Variants in GPR139 observed in about 807,000 individuals in gnomAD.
GPR139 encodes G protein-coupled receptor 139.
A neutral mutation model predicts 25.8 loss-of-function variants in GPR139; 12 were observed. That is an observed-to-expected ratio of 0.47 (90% CI 0.30 to 0.75). The LOEUF is 0.75. Among genes scored for constraint, GPR139 ranks in the 30% least tolerant of loss-of-function variants. The probability of loss-of-function intolerance (pLI) is 0.07; values close to 1 mark genes in which losing one functional copy is unlikely to be tolerated. For synonymous variants in GPR139, 184 were observed against 179.9 expected (o/e 1.02, Z -0.18); for missense variants, 380 against 450.2 (o/e 0.84, Z 1.41).
At chr16:20,040,514 T>G (rs1049954927) in intron 1 of GPR139, among the ~76,000 whole-genome samples, 12 of 152,348 alleles carry the variant, frequency 7.9e-5, no homozygotes, top group African/African-American at 2.9e-4. Flanking sequence ...TCATGAAATA[T>G]TCACCTATTG....
At chr16:20,066,088 C>G (rs192670445) in intron 1 of GPR139, among the ~76,000 whole-genome samples, 27 of 152,124 alleles carry the variant, frequency 1.8e-4, no homozygotes, top group Admixed American at 1.7e-3. Flanking sequence ...AAGCATGATT[C>G]TTTGGGTAAG....
intron 1 of GPR139, among the ~76,000 whole-genome samples, chr16:20,071,937 T>C (rs994184088): frequency 6.6e-6 from 1 of 152,156 alleles, no homozygotes; most frequent in Non-Finnish European, 1.5e-5. Flanking sequence ...GGGGACATTC[T>C]GATGGGAATG....
At chr16:20,044,159 A>C (rs2057346191) in intron 1 of GPR139, among the ~76,000 whole-genome samples, 1 of 152,218 alleles carries the variant, frequency 6.6e-6, no homozygotes, top group Non-Finnish European at 1.5e-5. Flanking sequence ...CATAACAATC[A>C]GTCCTGCTAA....
At chr16:20,071,271 G>A (rs1282302659) in intron 1 of GPR139, among the ~76,000 whole-genome samples, 1 of 152,182 alleles carries the variant, frequency 6.6e-6, no homozygotes, top group Non-Finnish European at 1.5e-5. Context: ...CTCCCCTTAT[G>A]GTTTTAAGAG....
intron 1 of GPR139, among the ~76,000 whole-genome samples, chr16:20,059,704 AG>A (rs2141212286): frequency 6.6e-6 from 1 of 152,324 alleles, no homozygotes; most frequent in South Asian, 2.1e-4. Context: ...TGCCTAGAAG[AG>A]TGCTTGGCAC....
chr16:20,050,483 C>G lies in GPR139; in HGVS notation c.128-17814G>C, dbSNP rs191902813. Among the ~76,000 whole-genome samples, 9 of 152,260 alleles carry G rather than the reference C, an allele frequency of 5.9e-5. No individual in the cohort carries two copies. The East Asian group carries it at 1.7e-3, about 29-fold the overall frequency. ...TAAACTGGAGTATTTCATATCCAGT[C>G]CTGGATTTGAGCTTCTTGTGAAAAT... On this transcript the variant is annotated intron_variant, in intron 1 of 1. Coordinates refer to ENST00000570682, the MANE Select transcript of GPR139 (RefSeq NM_001002911.4).
chr16:20,066,154 C>T (rs1047167612), intron 1 of GPR139, among the ~76,000 whole-genome samples: 37 of 152,274 alleles, frequency 2.4e-4, no homozygotes, highest in African/African-American at 8.7e-4. Context: ...CTGACTGCTC[C>T]GTTTAAATAT....
rs974500652 is a variant in GPR139, at chr16:20,073,693, G to A, written c.-77C>T. ...CTCTGGTCGCCGGCTCGGTGGTGGC[G>A]GCGGCGGAGGCAGCGGCAGCTGGAG... On this transcript the variant is annotated 5_prime_UTR_variant, in exon 1 of 2. Coordinates refer to ENST00000570682, the MANE Select transcript of GPR139 (RefSeq NM_001002911.4). The surrounding 1 kb of genome is among the most constrained non-coding windows in gnomAD (Gnocchi z 4.7). 9.5e-6 allele frequency: 14 copies of A among 1,466,264 alleles called. 1 individual carries two copies. The Admixed American group carries it at 1.7e-4, about 18-fold the overall frequency. The allele number at this position is 1,466,264 out of a possible 1,614,324, so 90.8% of individuals were successfully genotyped here.
chr16:20,044,559 C>A (rs964144858), intron 1 of GPR139, among the ~76,000 whole-genome samples: 3 of 152,192 alleles, frequency 2.0e-5, no homozygotes, highest in East Asian at 1.9e-4. Context: ...GAGTGAATGG[C>A]AACGTGCAAA....
At chr16:20,039,415 T>C (rs2057322599) in intron 1 of GPR139, among the ~76,000 whole-genome samples, 1 of 152,256 alleles carries the variant, frequency 6.6e-6, no homozygotes, top group Admixed American at 6.5e-5. Flanking sequence ...TCTGCTACAT[T>C]GCCTTTTTCT....
intron 1 of GPR139, among the ~76,000 whole-genome samples, chr16:20,051,274 TAAC>T (rs2057371187): frequency 6.6e-6 from 1 of 152,178 alleles, no homozygotes; most frequent in African/African-American, 2.4e-5. Flanking sequence ...TGCTGAGAGG[TAAC>T]AACCTCCCAC....
intron 1 of GPR139, among the ~76,000 whole-genome samples, chr16:20,069,190 C>T (rs1046001770): frequency 2.0e-5 from 3 of 152,124 alleles, no homozygotes; most frequent in African/African-American, 4.8e-5. Flanking sequence ...AGAGTGCTTA[C>T]CATATTCCAG....
At chr16:20,038,998 C>A (rs2057321008) in intron 1 of GPR139, among the ~76,000 whole-genome samples, 1 of 152,092 alleles carries the variant, frequency 6.6e-6, no homozygotes, top group African/African-American at 2.4e-5. Flanking sequence ...TTGAGGAAAC[C>A]CAACCAATCC....
chr16:20,032,015 C>T lies in GPR139; in HGVS notation c.782G>A (p.Trp261Ter). The change falls in exon 2 of 2, where the codon TGG becomes TAG. Residue 261 changes from tryptophan (W) to a stop codon, truncating the protein, a stop_gained. Coordinates refer to ENST00000570682, the MANE Select transcript of GPR139 (RefSeq NM_001002911.4). LOFTEE classifies it high-confidence loss of function. Reference sequence around the variant, plus strand: ...AATGTCGGACATGATGTGTACCAGCCAGCGGTTCTGGATGGGCGCCCCATA... The same window carrying T: ...AATGTCGGACATGATGTGTACCAGCTAGCGGTTCTGGATGGGCGCCCCATA... ...HLYGAPIQNRWLVHIMSDIAN... is the reference protein window; with the variant it reads ...HLYGAPIQNR 6.2e-7 allele frequency: 1 copy of T among 1,614,136 alleles called. No individual in the cohort carries two copies. Among genetic ancestry groups the T allele is most frequent in the Non-Finnish European group, 8.5e-7 (1 of 1,180,026 alleles).
At position 20,038,325 on chromosome 16, in the gene GPR139, A is replaced by G. The variant is rs1353406936; in HGVS notation, c.128-5656T>C. Among the ~76,000 whole-genome samples the G allele has an allele frequency of 9.2e-4, 45 of 48,936 alleles. 1 individual carries two copies. The highest frequency in any genetic ancestry group is 3.6e-3 in the Admixed American group (16 of 4,488). 32.1% of individuals were successfully genotyped at this position (48,936 alleles called of 152,430 possible). A position where few individuals can be genotyped will look rare whatever the true frequency, so the allele number is the denominator to read the frequency against. ...ACAGGTTTAAGTTCCTGGATAATAT[A>G]TATATGTGTGTGTGTGTGTGTGTGT... On this transcript the variant is annotated intron_variant, in intron 1 of 1. Transcript: ENST00000570682.
At position 20,072,179 on chromosome 16, in the gene GPR139, C is replaced by T. The variant is rs1476777366; in HGVS notation, c.127+1311G>A. 1.1e-4 allele frequency among the ~76,000 whole-genome samples: 17 copies of T among 152,146 alleles called. 1 individual carries two copies. The highest frequency in any genetic ancestry group is 9.8e-4 in the Admixed American group (15 of 15,272). ...GGCTGAGCTGCTCTCCTAGGGCAGC[C>T]GTGGCGATTAGTTAGGAATAAAAGC... On this transcript the variant is annotated intron_variant, in intron 1 of 1. Transcript: ENST00000570682.
chr16:20,049,764 A>G (rs1275909242), intron 1 of GPR139, among the ~76,000 whole-genome samples: 2 of 152,218 alleles, frequency 1.3e-5, no homozygotes, highest in Non-Finnish European at 2.9e-5. Flanking sequence ...CCATGCCTCA[A>G]TGTTCTTTAT....
chr16:20,040,984 T>C (rs1292994375), intron 1 of GPR139, among the ~76,000 whole-genome samples: 4 of 151,418 alleles, frequency 2.6e-5, no homozygotes, highest in African/African-American at 9.7e-5. Flanking sequence ...CTTACCCCTT[T>C]CAGTCACAAT....
chr16:20,041,446 AT>A (rs1439037375), intron 1 of GPR139, among the ~76,000 whole-genome samples: 1 of 151,670 alleles, frequency 6.6e-6, no homozygotes, highest in Non-Finnish European at 1.5e-5. Context: ...GAAGTCAGCA[AT>A]GCCGTTGTTT....
Sources: gnomAD v4.1 joint callset for allele counts (sites outside exome capture counted in the v4.1 genomes callset) on GRCh38, gnomAD v4.1.1 for gene constraint, Gnocchi (gnomAD v3.1) non-coding constraint, MANE v1.5 for transcripts, NCBI Gene and HGNC (gene_info 2026-07-23, HGNC 2026-07-21) for gene names.